RRN3: variants seen among roughly 807,000 people sequenced by gnomAD.
RRN3 encodes the protein RNA polymerase I-specific transcription initiation factor RRN3.
In RRN3, 38 loss-of-function variants were observed where a neutral mutation model predicts 82.3. The observed-to-expected ratio is 0.46, with a 90% CI of 0.36 to 0.61. RRN3 has a LOEUF of 0.61. Ranked by LOEUF, RRN3 falls within the 20% of genes least tolerant of loss-of-function variation. The pLI, the probability that RRN3 is intolerant of heterozygous loss-of-function variation, is 0.00. For synonymous variants in RRN3, 284 were observed against 284.3 expected (o/e 1.00, Z 0.01); for missense variants, 726 against 793.1 (o/e 0.92, Z 1.02).
At position 15,061,779 on chromosome 16, in the gene RRN3, G is replaced by T. The variant is rs760370682; in HGVS notation, c.1921C>A (p.Pro641Thr). The change falls in exon 18 of 18, where the codon CCA becomes ACA. Residue 641 changes from proline to threonine, a missense_variant. Around this residue, in one of 4 missense-constraint regions of RRN3, gnomAD observed 166 missense variants for 154.8 expected, o/e 1.07. Coordinates refer to ENST00000198767, the MANE Select transcript of RRN3 (RefSeq NM_018427.5). ...FRSPSSSVGS[P>T]PVLYMQPSPL ...CTGGGTTGCATGTACAACACGGGTGGGGAGCCCACACTACTTGAAGGACTT... is the reference window on the plus strand; with the variant it reads ...CTGGGTTGCATGTACAACACGGGTGTGGAGCCCACACTACTTGAAGGACTT... 6.2e-7 allele frequency: 1 copy of T among 1,614,020 alleles called. No homozygotes were observed. Among genetic ancestry groups the T allele is most frequent in the Admixed American group, 1.7e-5 (1 of 60,020 alleles).
intron 1 of RRN3, 107 bp downstream of exon 1, chr16:15,094,038 C>T (rs1215428015): frequency 1.0e-6 from 1 of 980,120 alleles, no homozygotes; most frequent in Non-Finnish European, 1.6e-6. Context: ...ACCCCGTGCT[C>T]CTATCACACG....
chr16:15,079,877 G>GT, intron 9 of RRN3, 121 bp downstream of exon 9: 1 of 1,190,578 alleles, frequency 8.4e-7, no homozygotes, highest in South Asian at 1.5e-5. Context: ...GAATACAGGC[G>GT]TGAGTCACCA....
chr16:15,061,897 C>T lies in RRN3; in HGVS notation c.1803G>A (p.Val601=). 1 of 1,611,172 alleles carries T rather than the reference C, an allele frequency of 6.2e-7. No homozygotes were observed. The highest frequency in any genetic ancestry group is 8.5e-7 in the Non-Finnish European group (1 of 1,177,392). ...EFKKPMKKDI[V]EDEDDDFLKG... ...TCAGAAAGTCATCATCTTCATCTTC[C>T]ACTATGTCCTGCAGAAACATCAGAA... The change falls in exon 18 of 18, where the codon GTG becomes GTA. Residue 601 remains valine, a synonymous_variant. Coordinates refer to ENST00000198767, the MANE Select transcript of RRN3 (RefSeq NM_018427.5).
At position 15,084,573 on chromosome 16, in the gene RRN3, A is replaced by G. The variant is rs562729851; in HGVS notation, c.596+69T>C. ...CAAGCTTTAATACTATTAACATTTT[A>G]TAATTTTTACTAATTGATTACAATT... is the stretch of plus-strand genomic sequence containing the variant. On this transcript the variant is annotated intron_variant, in intron 7 of 17. Coordinates refer to ENST00000198767, the MANE Select transcript of RRN3 (RefSeq NM_018427.5). 11 of 1,145,644 alleles carry G rather than the reference A, an allele frequency of 9.6e-6. No individual in the cohort carries two copies. The Admixed American group carries it at 2.1e-4, about 22-fold the overall frequency. 71.0% of individuals were successfully genotyped at this position (1,145,644 alleles called of 1,614,324 possible). A position where few individuals can be genotyped will look rare whatever the true frequency, so the allele number is the denominator to read the frequency against.
At chr16:15,062,373 G>GA (rs2044749432) in intron 17 of RRN3, among the ~76,000 whole-genome samples, 1 of 152,038 alleles carries the variant, frequency 6.6e-6, no homozygotes, top group South Asian at 2.1e-4. Context: ...CTCAACAAAT[G>GA]AAACATAAAG....
At position 15,061,008 on chromosome 16, in the gene RRN3, T is replaced by A. The variant is rs981410480; in HGVS notation, c.*736A>T. ...TCAGTCTGTGTGAATTACATCTACCTGGACCTCCATTTTTGTCTTTTAAAT... is the reference window on the plus strand; with the variant it reads ...TCAGTCTGTGTGAATTACATCTACCAGGACCTCCATTTTTGTCTTTTAAAT... On this transcript the variant is annotated 3_prime_UTR_variant, in exon 18 of 18. Transcript: ENST00000198767. 2 of 152,252 alleles carry A rather than the reference T, an allele frequency of 1.3e-5. No homozygotes were observed. The highest frequency in any genetic ancestry group is 4.8e-5 in the African/African-American group (2 of 41,466). 9.4% of individuals were successfully genotyped at this position (152,252 alleles called of 1,614,324 possible).
chr16:15,077,352 T>G lies in RRN3; in HGVS notation c.766-702A>C, dbSNP rs557444554. Among the ~76,000 whole-genome samples the G allele has an allele frequency of 1.4e-4, 22 of 152,226 alleles. 1 individual carries two copies. The South Asian group carries it at 4.4e-3, about 30-fold the overall frequency. On this transcript the variant is annotated intron_variant, in intron 9 of 17. Coordinates refer to ENST00000198767, the MANE Select transcript of RRN3 (RefSeq NM_018427.5). ...TGGGGGGGGACTGGTGGGAGATAATTTGAATCATAGGGTAGGTTTCCCCCA... is the reference window on the plus strand; with the variant it reads ...TGGGGGGGGACTGGTGGGAGATAATGTGAATCATAGGGTAGGTTTCCCCCA...
rs138460528 is a variant in RRN3 at position 15,094,159 on chromosome 16, G to A, written c.75C>T (p.Gly25=). The A allele has an allele frequency of 1.2e-5, 19 of 1,600,082 alleles. No homozygotes were observed. The highest frequency in any genetic ancestry group is 9.0e-5 in the East Asian group (4 of 44,516). ...AASSSAVKKL[G]ASRTGISNMR... ...CTGAATCTTACCCAGTCCTCGACGC[G>A]CCCAGCTTCTTAACTGCAGAGGACG... Residue 25 remains glycine (G), a synonymous_variant, in exon 1 of 18, where the codon GGC becomes GGT. Coordinates refer to ENST00000198767, the MANE Select transcript of RRN3 (RefSeq NM_018427.5).
rs2045304371 is a variant in RRN3, at chr16:15,073,086, G to A, written c.998-6C>T. ...TTTGCCGTTATCAACCTTACCTATG[G>A]AGAAAATCTGGCATCTCAGTTTTTA... is the stretch of plus-strand genomic sequence containing the variant. On this transcript the variant is annotated splice_region_variant and splice_polypyrimidine_tract_variant and intron_variant, in intron 11 of 17. Transcript: ENST00000198767. 5 of 1,601,644 alleles carry A rather than the reference G, an allele frequency of 3.1e-6. No individual in the cohort carries two copies. Among genetic ancestry groups the A allele is most frequent in the Non-Finnish European group, 4.2e-6 (5 of 1,177,242 alleles).
At chr16:15,089,632 C>A (rs1213771150) in intron 3 of RRN3, among the ~76,000 whole-genome samples, 1 of 151,384 alleles carries the variant, frequency 6.6e-6, no homozygotes, top group Non-Finnish European at 1.5e-5. Context: ...AACCCCACCT[C>A]TACTAAAAAT....
intron 17 of RRN3, among the ~76,000 whole-genome samples, chr16:15,062,161 A>G (rs1180719165): frequency 6.6e-6 from 1 of 152,182 alleles, no homozygotes; most frequent in Non-Finnish European, 1.5e-5. Context: ...GAAAAACAGA[A>G]CAGAACAAAA....
rs2046182113 is a variant in RRN3 at position 15,092,622 on chromosome 16, A to G, written c.90-8T>C. The G allele has an allele frequency of 1.4e-5, 21 of 1,491,404 alleles. No homozygotes were observed. The highest frequency in any genetic ancestry group is 1.8e-5 in the Non-Finnish European group (19 of 1,069,594). The allele number at this position is 1,491,404 out of a possible 1,614,324, so 92.4% of individuals were successfully genotyped here. ...GCACGCATATTTGAAATCCTGTGGA[A>G]CCAAGATTAACAAGCTATTAAGTTC... On this transcript the variant is annotated splice_region_variant and splice_polypyrimidine_tract_variant and intron_variant, in intron 1 of 17. Coordinates refer to ENST00000198767, the MANE Select transcript of RRN3 (RefSeq NM_018427.5).
intron 8 of RRN3, among the ~76,000 whole-genome samples, chr16:15,082,571 G>A (rs1489902105): frequency 6.6e-6 from 1 of 152,016 alleles, no homozygotes; most frequent in South Asian, 2.1e-4. Context: ...TACTCGGGAG[G>A]CTGAGGTGGG....
Position 15,083,598 on chromosome 16 carries a change from T to G in RRN3, c.597-16A>C. On this transcript the variant is annotated splice_polypyrimidine_tract_variant and intron_variant, in intron 7 of 17. Transcript: ENST00000198767. ...CCACGGTGTCCTATTTTTAAAAAAT[T>G]AAATCAATCCATGTTAACTTTACTT... 1 of 1,591,502 alleles carries G rather than the reference T, an allele frequency of 6.3e-7. No individual in the cohort carries two copies. The highest frequency in any genetic ancestry group is 2.2e-5 in the East Asian group (1 of 44,774).
chr16:15,089,626 C>T (rs769260056), intron 3 of RRN3, among the ~76,000 whole-genome samples: 2 of 151,372 alleles, frequency 1.3e-5, no homozygotes, highest in East Asian at 3.9e-4. Context: ...TGGTGAAACC[C>T]CACCTCTACT....
intron 11 of RRN3, 41 bp downstream of exon 11, chr16:15,074,682 A>G (rs989700644): frequency 2.6e-6 from 4 of 1,521,756 alleles, no homozygotes; most frequent in Non-Finnish European, 3.6e-6. Context: ...AAAGCCAGGT[A>G]CACTGCAGGT....
chr16:15,061,302 T>G lies in RRN3; in HGVS notation c.*442A>C, dbSNP rs1293330047. 1 of 160,820 alleles carries G rather than the reference T, an allele frequency of 6.2e-6. No individual in the cohort carries two copies. Among genetic ancestry groups the G allele is most frequent in the African/African-American group, 2.4e-5 (1 of 41,860 alleles). The allele number at this position is 160,820 out of a possible 1,614,324, so 10.0% of individuals were successfully genotyped here. On this transcript the variant is annotated 3_prime_UTR_variant, in exon 18 of 18. Coordinates refer to ENST00000198767, the MANE Select transcript of RRN3 (RefSeq NM_018427.5). Reference sequence around the variant, plus strand: ...ACACTTTCTAGTTAAAGTCTTTAAATAGAAGTTTTATCTTAGAGGATTCTT... The same window carrying G: ...ACACTTTCTAGTTAAAGTCTTTAAAGAGAAGTTTTATCTTAGAGGATTCTT...
chr16:15,069,380 A>G (rs887227973), intron 14 of RRN3, among the ~76,000 whole-genome samples: 8 of 152,250 alleles, frequency 5.3e-5, no homozygotes, highest in Admixed American at 2.6e-4. Context: ...CCACAAAACC[A>G]TAAGAATTAT....
chr16:15,089,146 T>C (rs1206921089), intron 3 of RRN3, among the ~76,000 whole-genome samples: 2 of 150,878 alleles, frequency 1.3e-5, no homozygotes, highest in Non-Finnish European at 3.0e-5. Flanking sequence ...CTACTGAAAA[T>C]ACAAAAAAAT....
Sources: gnomAD v4.1 joint callset for allele counts (sites outside exome capture counted in the v4.1 genomes callset) on GRCh38, gnomAD v4.1.1 for gene constraint, gnomAD v4.1.1 regional missense constraint, MANE v1.5 for transcripts, NCBI Gene and HGNC (gene_info 2026-07-23, HGNC 2026-07-21) for gene names.